The following CCBE1 variants were observed in gnomAD, a reference collection of about 807,000 sequenced individuals.
CCBE1 encodes collagen and calcium-binding EGF domain-containing protein 1.
CCBE1 carries 37 observed loss-of-function variants against 50.0 expected under a neutral mutation model. That is an observed-to-expected ratio of 0.74 (90% CI 0.57 to 0.97). The LOEUF is 0.97. CCBE1 is among the 50% of genes least tolerant of loss of function. The pLI is 0.00. For synonymous variants in CCBE1, 234 were observed against 203.7 expected (o/e 1.15, Z -1.27); for missense variants, 538 against 523.8 (o/e 1.03, Z -0.26).
At chr18:59,533,328 G>A (rs990061615) in intron 2 of CCBE1, among the ~76,000 whole-genome samples, 2 of 152,110 alleles carry the variant, frequency 1.3e-5, no homozygotes, top group African/African-American at 4.8e-5. Flanking sequence ...TTTTGAAATA[G>A]ACGAAAATTG....
chr18:59,614,935 C>G (rs1227700321), intron 2 of CCBE1, among the ~76,000 whole-genome samples: 2 of 152,210 alleles, frequency 1.3e-5, no homozygotes, highest in Non-Finnish European at 2.9e-5. Flanking sequence ...TAGGATGTAC[C>G]ATTTCTTAGT....
At chr18:59,582,950 C>A (rs180742966) in intron 2 of CCBE1, among the ~76,000 whole-genome samples, 1 of 152,226 alleles carries the variant, frequency 6.6e-6, no homozygotes, top group East Asian at 1.9e-4. Flanking sequence ...GTAGCTGTGA[C>A]TGACCACAGG....
intron 2 of CCBE1, among the ~76,000 whole-genome samples, chr18:59,518,036 C>A (rs957656759): frequency 6.6e-6 from 1 of 151,636 alleles, no homozygotes; most frequent in Non-Finnish European, 1.5e-5. Context: ...AACTTGCACC[C>A]ATTCCTAGGC....
chr18:59,634,089 G>A (rs1391437953), intron 2 of CCBE1, among the ~76,000 whole-genome samples: 1 of 152,176 alleles, frequency 6.6e-6, no homozygotes, highest in East Asian at 1.9e-4. Context: ...AATCCAACTG[G>A]AGAGAAAAAT....
At chr18:59,688,059 A>G (rs2054680921) in intron 2 of CCBE1, 1 of 152,258 alleles carries the variant, frequency 6.6e-6, no homozygotes, top group Admixed American at 6.5e-5. Context: ...ATATAAAGTT[A>G]TAACTGATTC....
intron 2 of CCBE1, among the ~76,000 whole-genome samples, chr18:59,565,735 G>A (rs1417859210): frequency 6.6e-6 from 1 of 151,806 alleles, no homozygotes; most frequent in Non-Finnish European, 1.5e-5. Context: ...AGCTAAGAGG[G>A]GAAGACGGGT....
chr18:59,501,496 T>A (rs1269089940), intron 2 of CCBE1, among the ~76,000 whole-genome samples: 1 of 152,142 alleles, frequency 6.6e-6, no homozygotes, highest in East Asian at 1.9e-4. Flanking sequence ...AGGGAACGTC[T>A]TCAAGTCTTT....
At chr18:59,683,115 C>T (rs1332375820) in intron 2 of CCBE1, among the ~76,000 whole-genome samples, 1 of 152,196 alleles carries the variant, frequency 6.6e-6, no homozygotes, top group Non-Finnish European at 1.5e-5. Context: ...TTCCCCTCAT[C>T]ATGAAGGCAG....
At position 59,696,523 on chromosome 18, in the gene CCBE1, G is replaced by A. The variant is rs1020891460; in HGVS notation, c.212+106C>T. 38 of 1,580,510 alleles carry A rather than the reference G, an allele frequency of 2.4e-5. No individual in the cohort carries two copies. In the African/African-American group the frequency reaches 3.9e-4, roughly 16 times the overall value. ...GCACCCAGCAGGTTCCAGCGTAAAA[G>A]CTGCTCCGGTCCCAAGCGCGTCTCC... is the stretch of plus-strand genomic sequence containing the variant. On this transcript the variant is annotated intron_variant, in intron 2 of 10. Coordinates refer to ENST00000439986, the MANE Select transcript of CCBE1 (RefSeq NM_133459.4).
intron 2 of CCBE1, among the ~76,000 whole-genome samples, chr18:59,547,646 A>AT (rs1915758791): frequency 1.3e-5 from 2 of 152,198 alleles, no homozygotes; most frequent in Non-Finnish European, 1.5e-5. Context: ...CACACAAAAT[A>AT]TTTGCTTTGA....
chr18:59,545,470 C>T (rs1024747732), intron 2 of CCBE1, among the ~76,000 whole-genome samples: 9 of 152,098 alleles, frequency 5.9e-5, no homozygotes, highest in Non-Finnish European at 1.2e-4. Flanking sequence ...TTTGGGATAC[C>T]ATTCCACGTC....
intron 2 of CCBE1, among the ~76,000 whole-genome samples, chr18:59,621,256 G>A (rs2053706674): frequency 6.6e-6 from 1 of 152,196 alleles, no homozygotes; most frequent in Non-Finnish European, 1.5e-5. Flanking sequence ...AAGAGTTCCT[G>A]CAGCTGTGTT....
intron 2 of CCBE1, among the ~76,000 whole-genome samples, chr18:59,532,913 T>G (rs1458220081): frequency 6.6e-6 from 1 of 152,226 alleles, no homozygotes; most frequent in Non-Finnish European, 1.5e-5. Flanking sequence ...TGCATCTGCC[T>G]GGGAATTGTG....
In CCBE1 at chr18:59,611,283, A is replaced by G. The variant is rs2053565505; in HGVS notation, c.212+85346T>C. Among the ~76,000 whole-genome samples the G allele has an allele frequency of 1.3e-5, 2 of 152,266 alleles. 1 individual carries two copies. The highest frequency in any genetic ancestry group is 4.1e-4 in the South Asian group (2 of 4,836). Reference sequence around the variant, plus strand: ...TGCCAGCCAGGACTAGAGAGAAAAGAAAGGAAAGGCCTCCTGGGATGCATA... The same window carrying G: ...TGCCAGCCAGGACTAGAGAGAAAAGGAAGGAAAGGCCTCCTGGGATGCATA... On this transcript the variant is annotated intron_variant, in intron 2 of 10. Transcript: ENST00000439986.
At chr18:59,556,145 C>T (rs991441142) in intron 2 of CCBE1, among the ~76,000 whole-genome samples, 10 of 152,146 alleles carry the variant, frequency 6.6e-5, no homozygotes, top group Admixed American at 1.3e-4. Context: ...TGGTTCCTGC[C>T]GTGCATGACA....
At chr18:59,450,542 ATTTTG>A (rs963645521) in intron 6 of CCBE1, among the ~76,000 whole-genome samples, 1 of 151,932 alleles carries the variant, frequency 6.6e-6, no homozygotes, top group African/African-American at 2.4e-5. Flanking sequence ...CACTTTTTAA[ATTTTG>A]TTTTGAGACA....
intron 2 of CCBE1, among the ~76,000 whole-genome samples, chr18:59,569,355 A>G (rs879766502): frequency 6.6e-6 from 1 of 152,234 alleles, no homozygotes; most frequent in Non-Finnish European, 1.5e-5. Context: ...TAATAAAAAC[A>G]GATATTTTGA....
intron 2 of CCBE1, among the ~76,000 whole-genome samples, chr18:59,547,886 C>T (rs1915768945): frequency 6.6e-6 from 1 of 152,204 alleles, no homozygotes; most frequent in Admixed American, 6.5e-5. Flanking sequence ...TCATCCTGTT[C>T]TCACAGGAAA....
At chr18:59,461,739 T>TTC (rs1237615569) in intron 5 of CCBE1, among the ~76,000 whole-genome samples, 1 of 148,742 alleles carries the variant, frequency 6.7e-6, no homozygotes, top group Non-Finnish European at 1.5e-5. Flanking sequence ...CTTTTTTTTT[T>TTC]TTTTTTTTTT....
Sources: gnomAD v4.1 joint callset for allele counts (sites outside exome capture counted in the v4.1 genomes callset) on GRCh38, gnomAD v4.1.1 for gene constraint, MANE v1.5 for transcripts, NCBI Gene and HGNC (gene_info 2026-07-23, HGNC 2026-07-21) for gene names.